HUNK: variants seen among roughly 807,000 people sequenced by gnomAD.
HUNK encodes the protein hormonally up-regulated Neu-associated kinase, also known as hormonally up-regulated neu tumor-associated kinase.
HUNK carries 21 observed loss-of-function variants against 61.0 expected under a neutral mutation model. The ratio of observed to expected loss-of-function variants is 0.34; its 90% CI spans 0.24 to 0.50. HUNK has a LOEUF of 0.50. Ranked by LOEUF, HUNK falls within the 20% of genes least tolerant of loss-of-function variation. The pLI, the probability that HUNK is intolerant of heterozygous loss-of-function variation, is 0.98. For synonymous variants in HUNK, 371 were observed against 386.1 expected (o/e 0.96, Z 0.46); for missense variants, 772 against 945.7 (o/e 0.82, Z 2.41).
chr21:31,926,274 T>C (rs908841948), intron 2 of HUNK, among the ~76,000 whole-genome samples: 1 of 152,196 alleles, frequency 6.6e-6, no homozygotes, highest in African/African-American at 2.4e-5. Flanking sequence ...GCATGACATA[T>C]TTATGTGTGT....
intron 7 of HUNK, among the ~76,000 whole-genome samples, chr21:31,983,025 A>G (rs1601409750): frequency 6.6e-6 from 1 of 151,788 alleles, no homozygotes; most frequent in Non-Finnish European, 1.5e-5. Context: ...CTGGTCTCGA[A>G]CTCCTGACCT....
At position 31,995,855 on chromosome 21, in the gene HUNK, A is replaced by G; in HGVS notation, c.1393A>G (p.Lys465Glu). 1.9e-6 allele frequency: 3 copies of G among 1,614,094 alleles called. No individual in the cohort carries two copies. Among genetic ancestry groups the G allele is most frequent in the Non-Finnish European group, 2.5e-6 (3 of 1,179,898 alleles). The change falls in exon 10 of 11, where the codon AAA (lysine) becomes GAA (glutamate). Residue 465 changes from lysine (K) to glutamate (E), a missense_variant. Physicochemically the swap from Lys to Glu is moderately conservative, Grantham distance 56. Coordinates refer to ENST00000270112, the MANE Select transcript of HUNK (RefSeq NM_014586.2). ...KKLDKNLPSHKQPSGSLMTQI... is the reference protein window; with the variant it reads ...KKLDKNLPSHEQPSGSLMTQI... ...GTTGGACAAGAACCTGCCCTCGCAC[A>G]AACAGCCCTCAGGCTCGCTTATGAC...
At chr21:31,912,548 C>T (rs1441266455) in intron 1 of HUNK, among the ~76,000 whole-genome samples, 1 of 152,018 alleles carries the variant, frequency 6.6e-6, no homozygotes, top group African/African-American at 2.4e-5. Context: ...GGACATTTCT[C>T]TTTTTTTGTT....
At chr21:31,877,275 T>G (rs2052270687) in intron 1 of HUNK, among the ~76,000 whole-genome samples, 1 of 152,158 alleles carries the variant, frequency 6.6e-6, no homozygotes, top group Non-Finnish European at 1.5e-5. Context: ...TGGTTACACT[T>G]CCAAAAAGCT....
chr21:31,932,201 C>G (rs930808804), intron 2 of HUNK, among the ~76,000 whole-genome samples: 3 of 152,230 alleles, frequency 2.0e-5, no homozygotes, highest in Non-Finnish European at 4.4e-5. Flanking sequence ...CACACACACT[C>G]CTGATTTCCA....
intron 2 of HUNK, among the ~76,000 whole-genome samples, chr21:31,931,722 C>G (rs1190132291): frequency 6.6e-6 from 1 of 152,166 alleles, no homozygotes; most frequent in African/African-American, 2.4e-5. Flanking sequence ...TCCCTCCTCT[C>G]CTGATGCCTC....
At chr21:31,977,505 T>C (rs574016916) in intron 7 of HUNK, among the ~76,000 whole-genome samples, 1 of 152,362 alleles carries the variant, frequency 6.6e-6, no homozygotes, top group East Asian at 1.9e-4. Context: ...TTTCTTTTGG[T>C]GGAACTAGTT....
chr21:31,944,918 G>C (rs1419178751), intron 3 of HUNK, among the ~76,000 whole-genome samples: 4 of 152,216 alleles, frequency 2.6e-5, no homozygotes, highest in Non-Finnish European at 5.9e-5. Context: ...TCACAGACTG[G>C]ACTGTATTTC....
chr21:31,968,800 A>C (rs2052988599), intron 6 of HUNK, among the ~76,000 whole-genome samples: 1 of 137,454 alleles, frequency 7.3e-6, no homozygotes, highest in Non-Finnish European at 1.5e-5. Flanking sequence ...CTCCATGTGC[A>C]TGGGTGTTGT....
chr21:31,887,383 A>G (rs2052354299), intron 1 of HUNK, among the ~76,000 whole-genome samples: 1 of 152,010 alleles, frequency 6.6e-6, no homozygotes, highest in Admixed American at 6.6e-5. Context: ...TGTCTCTTTG[A>G]CTGTAATTTT....
rs1025322688 is a variant in HUNK, at chr21:31,942,401, G to A, written c.610+2181G>A. 2.0e-5 allele frequency among the ~76,000 whole-genome samples: 3 copies of A among 152,330 alleles called. 1 individual carries two copies. The South Asian group carries it at 6.2e-4, about 32-fold the overall frequency. On this transcript the variant is annotated intron_variant, in intron 3 of 10. Transcript: ENST00000270112. ...AGAACTATCTTGTGGAATAAGCAAT[G>A]GTGAAATGCACAGACCTTTTTATTG...
At chr21:31,956,601 C>T (rs1044026500) in intron 4 of HUNK, among the ~76,000 whole-genome samples, 1 of 152,198 alleles carries the variant, frequency 6.6e-6, no homozygotes, top group Non-Finnish European at 1.5e-5. Context: ...CTCTCCTCCT[C>T]AGCCTCCTCA....
intron 6 of HUNK, among the ~76,000 whole-genome samples, chr21:31,969,439 T>A (rs958255199): frequency 2.6e-5 from 4 of 152,168 alleles, no homozygotes; most frequent in African/African-American, 9.7e-5. Context: ...TCAGTTTCCA[T>A]GAGGAGGGTT....
chr21:31,909,841 T>G (rs928872118), intron 1 of HUNK, among the ~76,000 whole-genome samples: 5 of 152,232 alleles, frequency 3.3e-5, no homozygotes, highest in African/African-American at 1.2e-4. Flanking sequence ...CATCGTTTCT[T>G]TGGAAGATGG....
At chr21:31,913,262 G>A (rs1226067312) in intron 1 of HUNK, among the ~76,000 whole-genome samples, 3 of 152,100 alleles carry the variant, frequency 2.0e-5, no homozygotes, top group Admixed American at 6.6e-5. Flanking sequence ...GGCCAGTGGC[G>A]GGTGGGAATT....
chr21:31,907,834 A>G (rs1451865224), intron 1 of HUNK, among the ~76,000 whole-genome samples: 1 of 152,030 alleles, frequency 6.6e-6, no homozygotes, highest in East Asian at 1.9e-4. Flanking sequence ...TACTAAAAAT[A>G]CAAAAATTAG....
At position 31,892,162 on chromosome 21, in the gene HUNK, AAT is replaced by A. The variant is rs1170452661; in HGVS notation, c.261+18245_261+18246del. Among the ~76,000 whole-genome samples the A allele has an allele frequency of 3.6e-3, 413 of 113,994 alleles. 1 individual carries two copies. The highest frequency in any genetic ancestry group is 0.014 in the Admixed American group (147 of 10,716). The allele number at this position is 113,994 out of a possible 152,430, so 74.8% of individuals were successfully genotyped here. A position where few individuals can be genotyped will look rare whatever the true frequency, so the allele number is the denominator to read the frequency against. On this transcript the variant is annotated intron_variant, in intron 1 of 10. Transcript: ENST00000270112. ...GAGAATTTGGTTAAAAAAAAAAAAA[AAT>A]ATATATATATATATATAGAGAGAGA...
At chr21:31,945,950 G>A (rs996390106) in intron 3 of HUNK, 86 bp from the exon 4 acceptor site, 44 of 1,306,476 alleles carry the variant, frequency 3.4e-5, no homozygotes, top group South Asian at 3.0e-4. Context: ...CTTTCCTGCT[G>A]CCCTTTTTAT....
rs570611154 is a variant in HUNK at position 31,920,578 on chromosome 21, G to T, written c.262-3890G>T. 3.9e-5 allele frequency among the ~76,000 whole-genome samples: 6 copies of T among 152,302 alleles called. No individual in the cohort carries two copies. The South Asian group carries it at 1.2e-3, about 32-fold the overall frequency. On this transcript the variant is annotated intron_variant, in intron 1 of 10. Coordinates refer to ENST00000270112, the MANE Select transcript of HUNK (RefSeq NM_014586.2). Reference sequence around the variant, plus strand: ...TTTTTCTCCACCTCCCCAAGAGGATGGATATGAAATATGTGTGTGTCTATG... The same window carrying T: ...TTTTTCTCCACCTCCCCAAGAGGATTGATATGAAATATGTGTGTGTCTATG...
Sources: allele counts gnomAD v4.1 joint callset (sites outside exome capture counted in the v4.1 genomes callset), GRCh38; gene constraint gnomAD v4.1.1; transcripts MANE v1.5; gene names NCBI Gene and HGNC (gene_info 2026-07-23, HGNC 2026-07-21).